The following SCHIP1 variants were observed in gnomAD, a reference collection of about 807,000 sequenced individuals.
SCHIP1 encodes schwannomin interacting protein 1.
In SCHIP1, 8 loss-of-function variants were observed where a neutral mutation model predicts 29.7. The observed-to-expected ratio is 0.27, with a 90% CI of 0.16 to 0.49. SCHIP1 has a LOEUF of 0.49. Ranked by LOEUF, SCHIP1 falls within the 20% of genes least tolerant of loss-of-function variation. SCHIP1 has a pLI of 0.99. For synonymous variants in SCHIP1, 76 were observed against 94.9 expected (o/e 0.80, Z 1.16); for missense variants, 193 against 294.6 (o/e 0.66, Z 2.52).
At chr3:159,887,683 C>T (rs1282842641) in intron 3 of SCHIP1, 25 bp from the exon 5 acceptor site, 1 of 1,613,384 alleles carries the variant, frequency 6.2e-7, no homozygotes, top group Non-Finnish European at 8.5e-7. Context: ...ATGGAAGGCT[C>T]AGGCTGCTCT....
chr3:159,510,960 C>A, the SCHIP1 span, among the ~76,000 whole-genome samples: 1 of 152,226 alleles, frequency 6.6e-6, no homozygotes, highest in Non-Finnish European at 1.5e-5. Flanking sequence ...AGATCTCAAA[C>A]TCCGTGCTGG....
the SCHIP1 span, among the ~76,000 whole-genome samples, chr3:159,588,872 A>G: frequency 2.0e-5 from 3 of 152,178 alleles, no homozygotes; most frequent in African/African-American, 4.8e-5. Flanking sequence ...GTAGCCTTGT[A>G]GTAGAGTTTG....
At chr3:159,465,670 A>C in the SCHIP1 span, among the ~76,000 whole-genome samples, 1 of 152,170 alleles carries the variant, frequency 6.6e-6, no homozygotes, top group African/African-American at 2.4e-5. Context: ...ATTTTATGTT[A>C]TAGCTAATGA....
chr3:159,472,095 T>C, the SCHIP1 span, among the ~76,000 whole-genome samples: 1 of 152,180 alleles, frequency 6.6e-6, no homozygotes, highest in African/African-American at 2.4e-5. Context: ...TGTTAACTCT[T>C]GTACTGGATA....
At chr3:159,695,695 A>G in the SCHIP1 span, among the ~76,000 whole-genome samples, 1 of 152,302 alleles carries the variant, frequency 6.6e-6, no homozygotes. Context: ...TACTGTGAGG[A>G]TCTAGTCACT....
chr3:159,757,688 C>T, the SCHIP1 span, among the ~76,000 whole-genome samples: 4 of 152,186 alleles, frequency 2.6e-5, no homozygotes, highest in East Asian at 5.8e-4. Context: ...ACTCTGCTTT[C>T]GTGAGGAAGC....
chr3:159,428,677 C>A, the SCHIP1 span, among the ~76,000 whole-genome samples: 1 of 150,920 alleles, frequency 6.6e-6, no homozygotes, highest in African/African-American at 2.4e-5. Flanking sequence ...ACCATTTGAC[C>A]CAGCCATCCC....
intron 1 of SCHIP1, among the ~76,000 whole-genome samples, chr3:159,856,466 G>T (rs1263145537): frequency 6.6e-6 from 1 of 152,058 alleles, no homozygotes; most frequent in Non-Finnish European, 1.5e-5. Flanking sequence ...CATTCTTGGG[G>T]CAGGGAAAGA....
chr3:159,511,453 T>G, the SCHIP1 span, among the ~76,000 whole-genome samples: 2 of 152,066 alleles, frequency 1.3e-5, no homozygotes, highest in African/African-American at 4.8e-5. Context: ...CAGCTCACAC[T>G]CGGTGCACTG....
At chr3:159,379,366 C>T in the SCHIP1 span, among the ~76,000 whole-genome samples, 5 of 152,040 alleles carry the variant, frequency 3.3e-5, no homozygotes, top group African/African-American at 7.2e-5. Flanking sequence ...GGATTACAGG[C>T]ACCCGCCACG....
At chr3:159,759,688 G>T in the SCHIP1 span, among the ~76,000 whole-genome samples, 2 of 152,124 alleles carry the variant, frequency 1.3e-5, no homozygotes, top group Non-Finnish European at 2.9e-5. Context: ...TTATATTCAG[G>T]TGATTAAATA....
At chr3:159,427,291 A>C in the SCHIP1 span, among the ~76,000 whole-genome samples, 92 of 151,668 alleles carry the variant, frequency 6.1e-4, no homozygotes, top group Admixed American at 3.0e-3. Context: ...GATTGTATAT[A>C]TAGAAAACCC....
At chr3:159,614,271 T>G in the SCHIP1 span, among the ~76,000 whole-genome samples, 3 of 152,230 alleles carry the variant, frequency 2.0e-5, no homozygotes, top group African/African-American at 7.2e-5. Flanking sequence ...AGACATACAT[T>G]TTCTCTTTAA....
chr3:159,701,382 A>T, the SCHIP1 span, among the ~76,000 whole-genome samples: 3 of 152,156 alleles, frequency 2.0e-5, no homozygotes, highest in Non-Finnish European at 4.4e-5. Context: ...CTTCCCTACT[A>T]TCAACAGTAT....
chr3:159,681,009 A>T, the SCHIP1 span, among the ~76,000 whole-genome samples: 1 of 151,760 alleles, frequency 6.6e-6, no homozygotes, highest in Non-Finnish European at 1.5e-5. Context: ...CTTATCTTTG[A>T]TTTATCTGAA....
the SCHIP1 span, among the ~76,000 whole-genome samples, chr3:159,426,711 G>A: frequency 4.6e-5 from 7 of 152,138 alleles, no homozygotes; most frequent in Non-Finnish European, 8.8e-5. Context: ...TGATACCAAA[G>A]CTGGGCAGAG....
chr3:159,864,807 T>C (rs1714446743), intron 1 of SCHIP1, among the ~76,000 whole-genome samples: 1 of 152,208 alleles, frequency 6.6e-6, no homozygotes, highest in South Asian at 2.1e-4. Context: ...TGTATTTTAT[T>C]CTGTGCTGTC....
the SCHIP1 span, among the ~76,000 whole-genome samples, chr3:159,599,926 G>A: frequency 6.6e-6 from 1 of 152,114 alleles, no homozygotes; most frequent in Non-Finnish European, 1.5e-5. Flanking sequence ...AATTTCCTTA[G>A]CATTTTCTTG....
chr3:159,555,333 G>T, the SCHIP1 span, among the ~76,000 whole-genome samples: 3 of 152,014 alleles, frequency 2.0e-5, no homozygotes, highest in Non-Finnish European at 4.4e-5. Context: ...TTTCCTAATG[G>T]TCTTTGTGGT....
Sources: gnomAD v4.1 joint callset for allele counts (sites outside exome capture counted in the v4.1 genomes callset) on GRCh38, gnomAD v4.1.1 for gene constraint, MANE v1.5 for transcripts, NCBI Gene and HGNC (gene_info 2026-07-23, HGNC 2026-07-21) for gene names.